The following NFU1 variants were observed in gnomAD, a reference collection of about 807,000 sequenced individuals.
The protein encoded by NFU1 is NFU1 iron-sulfur cluster scaffold, also known as NFU1 iron-sulfur cluster scaffold homolog, mitochondrial.
A neutral mutation model predicts 32.2 loss-of-function variants in NFU1; 30 were observed. That is an observed-to-expected ratio of 0.93 (90% CI 0.70 to 1.26). The LOEUF (loss-of-function observed/expected upper bound fraction) is 1.26. Among genes scored for constraint, NFU1 ranks in the 50% most tolerant of loss-of-function variants. The pLI, the probability that NFU1 is intolerant of heterozygous loss-of-function variation, is 0.00. For missense variants in NFU1, 306 were observed against 306.6 expected (o/e 1.00, Z 0.02); for synonymous variants, 112 against 104.6 (o/e 1.07, Z -0.43).
chr2:69,417,248 T>C (rs1048855972), intron 4 of NFU1, among the ~76,000 whole-genome samples: 4 of 151,898 alleles, frequency 2.6e-5, no homozygotes, highest in African/African-American at 9.7e-5. Flanking sequence ...AAATCAGAAA[T>C]AGAAACAGGC....
At chr2:69,439,006 C>T (rs901386028), upstream of NFU1, among the ~76,000 whole-genome samples, 4 of 151,490 alleles carry the variant, frequency 2.6e-5, no homozygotes, top group Admixed American at 6.6e-5. Context: ...TTGGAACAAT[C>T]GTTCTTCTCA....
intron 2 of NFU1, among the ~76,000 whole-genome samples, chr2:69,424,464 T>A (rs928180450): frequency 1.3e-5 from 2 of 151,622 alleles, no homozygotes; most frequent in African/African-American, 4.8e-5. Flanking sequence ...AATATTTGTA[T>A]TTTTTTGCAG....
chr2:69,439,348 C>T (rs1673983961), upstream of NFU1, among the ~76,000 whole-genome samples: 1 of 152,110 alleles, frequency 6.6e-6, no homozygotes, highest in South Asian at 2.1e-4. Context: ...ATGGTGTGTC[C>T]AGAGTCTGTT....
chr2:69,426,419 G>C (rs1420519927), intron 2 of NFU1, among the ~76,000 whole-genome samples: 1 of 151,972 alleles, frequency 6.6e-6, no homozygotes, highest in Non-Finnish European at 1.5e-5. Context: ...CTGAGTAGCT[G>C]AGATTACCAG....
intron 5 of NFU1, among the ~76,000 whole-genome samples, chr2:69,407,228 C>G (rs1672723164): frequency 6.6e-6 from 1 of 152,156 alleles, no homozygotes; most frequent in Non-Finnish European, 1.5e-5. Flanking sequence ...ACTGAGATTA[C>G]AGGCATGAGC....
At chr2:69,400,573 T>C in intron 6 of NFU1, 35 bp from the exon 7 acceptor site, 20 of 1,592,298 alleles carry the variant, frequency 1.3e-5, no homozygotes, top group Non-Finnish European at 1.7e-5. Flanking sequence ...ACATATTCTT[T>C]AAAATACAAG....
intron 2 of NFU1, among the ~76,000 whole-genome samples, chr2:69,427,424 G>A (rs895484197): frequency 1.3e-5 from 2 of 150,026 alleles, no homozygotes; most frequent in African/African-American, 4.9e-5. Flanking sequence ...GCTCACGCCT[G>A]TAATCTCAGC....
At chr2:69,435,607 T>C (rs1020759923) in intron 1 of NFU1, among the ~76,000 whole-genome samples, 2 of 152,162 alleles carry the variant, frequency 1.3e-5, no homozygotes, top group Non-Finnish European at 2.9e-5. Context: ...TCTTAGATGC[T>C]ATTGGAGAGA....
intron 1 of NFU1, among the ~76,000 whole-genome samples, chr2:69,436,537 A>G (rs142353332): frequency 1.9e-3 from 296 of 152,296 alleles, no homozygotes; most frequent in African/African-American, 5.9e-3. Context: ...GTAAGAGTGG[A>G]TTACATTATT....
At chr2:69,426,521 G>T (rs1277637335) in intron 2 of NFU1, among the ~76,000 whole-genome samples, 1 of 151,784 alleles carries the variant, frequency 6.6e-6, no homozygotes, top group African/African-American at 2.4e-5. Context: ...CCTGACCTCA[G>T]GTGATCCGCC....
At chr2:69,437,735 T>C (rs1673907672), upstream of NFU1, 1 of 498,558 alleles carries the variant, frequency 2.0e-6, no homozygotes, top group Non-Finnish European at 3.7e-6. Context: ...GGTGCTGCCT[T>C]GCGAATGCTG....
intron 1 of NFU1, among the ~76,000 whole-genome samples, chr2:69,433,461 T>C (rs1254818953): frequency 1.3e-5 from 2 of 150,726 alleles, no homozygotes; most frequent in Non-Finnish European, 3.0e-5. Flanking sequence ...ATTACAGGCA[T>C]GAGACACCAC....
chr2:69,423,862 A>C (rs888217855), intron 2 of NFU1, 145 bp from the exon 3 acceptor site: 4 of 676,540 alleles, frequency 5.9e-6, no homozygotes, highest in Non-Finnish European at 1.0e-5. Flanking sequence ...CAAAGCATTT[A>C]TAAGGATAAG....
chr2:69,437,362 G>T lies in NFU1; in HGVS notation c.61C>A (p.Arg21=), dbSNP rs1393980819. The T allele has an allele frequency of 6.2e-7, 1 of 1,607,172 alleles. No homozygotes were observed. The highest frequency in any genetic ancestry group is 1.7e-5 in the Admixed American group (1 of 59,530). ...AAAVAAGLRR[R]FCHMLKNPYT... Reference sequence around the variant, plus strand: ...CGGAGCTCCAGGCTCGTCACCTACCGCCTGCGCAGCCCGGCGGCAACAGCC... The same window carrying T: ...CGGAGCTCCAGGCTCGTCACCTACCTCCTGCGCAGCCCGGCGGCAACAGCC... Residue 21 remains arginine (R), a splice_region_variant and synonymous_variant, in exon 1 of 8, where the codon CGG becomes AGG. Transcript: ENST00000410022.
At chr2:69,433,539 G>C (rs924308459) in intron 1 of NFU1, among the ~76,000 whole-genome samples, 2 of 151,288 alleles carry the variant, frequency 1.3e-5, no homozygotes, top group Non-Finnish European at 2.9e-5. Flanking sequence ...GCAGTGATGC[G>C]ATCCCAGCTT....
At chr2:69,399,070 T>C (rs906580280) in intron 7 of NFU1, among the ~76,000 whole-genome samples, 4 of 151,720 alleles carry the variant, frequency 2.6e-5, no homozygotes, top group Non-Finnish European at 4.4e-5. Context: ...ATACAAAAAA[T>C]GGTGGCATGT....
intron 2 of NFU1, among the ~76,000 whole-genome samples, chr2:69,429,109 G>A (rs1358128356): frequency 6.6e-6 from 1 of 152,128 alleles, no homozygotes; most frequent in African/African-American, 2.4e-5. Context: ...TGTGTTATAA[G>A]GGAATGATTT....
rs74810302 is a variant in NFU1, at chr2:69,433,493, T to G, written c.63-1488A>C. On this transcript the variant is annotated intron_variant, in intron 1 of 7. Coordinates refer to ENST00000410022, the MANE Select transcript of NFU1 (RefSeq NM_001002755.4). ...CCACACCTGGCCCGTCTTTTTTTTT[T>G]GAGACTGAGTCTCACTTTGTCGCCC... is the stretch of plus-strand genomic sequence containing the variant. Among the ~76,000 whole-genome samples the G allele has an allele frequency of 0.014, 2,191 of 151,298 alleles. 125 individuals are homozygous for G. In the East Asian group the frequency reaches 0.18, roughly 13 times the overall value.
chr2:69,412,637 G>A (rs934070040), intron 5 of NFU1, among the ~76,000 whole-genome samples: 9 of 151,730 alleles, frequency 5.9e-5, no homozygotes, highest in East Asian at 1.9e-4. Context: ...CACCCGCCTC[G>A]GCCTCCCAAA....
Sources: allele counts gnomAD v4.1 joint callset (sites outside exome capture counted in the v4.1 genomes callset), GRCh38; gene constraint gnomAD v4.1.1; transcripts MANE v1.5; gene names NCBI Gene and HGNC (gene_info 2026-07-23, HGNC 2026-07-21).